AGRN: variants seen among roughly 807,000 people sequenced by gnomAD.
The protein encoded by AGRN is agrin.
In AGRN, 106 loss-of-function variants were observed where a neutral mutation model predicts 211.0. The ratio of observed to expected loss-of-function variants is 0.50; its 90% CI spans 0.43 to 0.59. The LOEUF (loss-of-function observed/expected upper bound fraction) is 0.59. Ranked by LOEUF, AGRN falls within the 20% of genes least tolerant of loss-of-function variation. The probability of loss-of-function intolerance (pLI) is 0.00; values close to 1 mark genes in which losing one functional copy is unlikely to be tolerated. For synonymous variants in AGRN, 1,525 were observed against 1,332.5 expected (o/e 1.14, Z -3.15); for missense variants, 3,040 against 2,982.6 (o/e 1.02, Z -0.45).
rs1267085294 is a variant in AGRN, at chr1:1,041,468, C to T, written c.953-10C>T. On this transcript the variant is annotated splice_polypyrimidine_tract_variant and intron_variant, in intron 5 of 35. Coordinates refer to ENST00000379370, the MANE Select transcript of AGRN (RefSeq NM_198576.4). ...GCGACAGCGTCCTGACTCCTGCCCT[C>T]GACCCCCAGACCCCTGTCAGGGCGC... 2 of 1,585,436 alleles carry T rather than the reference C, an allele frequency of 1.3e-6. No individual in the cohort carries two copies. The highest frequency in any genetic ancestry group is 1.7e-6 in the Non-Finnish European group (2 of 1,173,372).
intron 33 of AGRN, 191 bp from the exon 34 acceptor site, chr1:1,053,562 T>C (rs1557725471): frequency 3.3e-6 from 5 of 1,520,952 alleles, no homozygotes; most frequent in South Asian, 1.2e-5. Context: ...GTCTCTCTGA[T>C]CTCTCTCTGC....
rs142132521 is a variant in AGRN at position 1,053,794 on chromosome 1, G to A, written c.5693G>A (p.Arg1898His). ...AGCAACCACTTTGAACTGAGCCTGC[G>A]CACTGAGGCCACGCAGGGGCTGGTG... is the stretch of plus-strand genomic sequence containing the variant. The part of the protein sequence containing the change: ...LQSNHFELSL[R>H]TEATQGLVLW... Residue 1898 changes from arginine (R) to histidine (H), a missense_variant, in exon 34 of 36, where the codon CGC becomes CAC. Physicochemically the swap from Arg to His is conservative, Grantham distance 29 (BLOSUM62 0). Transcript: ENST00000379370. 8.1e-6 allele frequency: 13 copies of A among 1,610,516 alleles called. No individual in the cohort carries two copies. Among genetic ancestry groups the A allele is most frequent in the East Asian group, 6.7e-5 (3 of 44,812 alleles).
In AGRN at chr1:1,046,434, C is replaced by T. The variant is rs757512885; in HGVS notation, c.2949C>T (p.Ser983=). 36 of 1,612,396 alleles carry T rather than the reference C, an allele frequency of 2.2e-5. No homozygotes were observed. Among genetic ancestry groups the T allele is most frequent in the South Asian group, 1.3e-4 (12 of 91,070 alleles). Residue 983 remains serine (S), a synonymous_variant, in exon 18 of 36, where the codon TCC becomes TCT. Coordinates refer to ENST00000379370, the MANE Select transcript of AGRN (RefSeq NM_198576.4). ...VAPSTHPTSA[S]VTVTTPGLLL... ...CCAGCACTCACCCGACATCTGCCTC[C>T]GTGACTGTGACCACCCCAGGGCTCC...
chr1:1,028,382 G>A (rs1164512459), intron 2 of AGRN, among the ~76,000 whole-genome samples: 2 of 103,724 alleles, frequency 1.9e-5, no homozygotes, highest in South Asian at 3.7e-4. Flanking sequence ...ACCACTCCAC[G>A]CCAGCTGTTT....
chr1:1,046,732 G>C lies in AGRN; in HGVS notation c.3247G>C (p.Gly1083Arg), dbSNP rs1645107004. ...CCAGGAGGCCAGTGGGGGTGGCTCT[G>C]GGGGTGAGCAGGGATCAAGGACTTG... is the stretch of plus-strand genomic sequence containing the variant. ...GDQEASGGGS[G>R]GLEPLEGSSV... Residue 1083 changes from glycine to arginine, a missense_variant, in exon 18 of 36, where the codon GGG becomes CGG. Gly to Arg is a moderately radical substitution (Grantham distance 125, BLOSUM62 -2). Transcript: ENST00000379370. 6.3e-7 allele frequency: 1 copy of C among 1,581,100 alleles called. No individual in the cohort carries two copies. Among genetic ancestry groups the C allele is most frequent in the African/African-American group, 1.3e-5 (1 of 74,668 alleles).
rs767076670 is a variant in AGRN at position 1,051,779 on chromosome 1, G to T, written c.5615G>T (p.Arg1872Leu). The change falls in exon 33 of 36, where the codon CGG becomes CTG. Residue 1872 changes from arginine (R) to leucine (L), a missense_variant. Physicochemically the swap from Arg to Leu is moderately radical, Grantham distance 102. Coordinates refer to ENST00000379370, the MANE Select transcript of AGRN (RefSeq NM_198576.4). Reference protein sequence around the residue: ...GDVDTLAFDGRTFVEYLNAVT... With the variant: ...GDVDTLAFDGLTFVEYLNAVT... The stretch of plus-strand genomic sequence containing the variant: ...GTGGATACCTTGGCCTTTGACGGGC[G>T]GACCTTTGTCGAGTACCTCAACGCT... 3 of 1,613,852 alleles carry T rather than the reference G, an allele frequency of 1.9e-6. No individual in the cohort carries two copies. In the Admixed American group the frequency reaches 5.0e-5, roughly 27 times the overall value.
intron 27 of AGRN, 23 bp from the exon 28 acceptor site, chr1:1,050,210 G>GA (rs748708490): frequency 4.3e-6 from 7 of 1,612,736 alleles, no homozygotes; most frequent in Non-Finnish European, 5.1e-6. Flanking sequence ...TCAGGACTGA[G>GA]GCCTTGGTGA....
rs759035613 is a variant in AGRN, at chr1:1,048,188, C to T, written c.3928C>T (p.Pro1310Ser). 7 of 1,567,630 alleles carry T rather than the reference C, an allele frequency of 4.5e-6. No homozygotes were observed. The highest frequency in any genetic ancestry group is 4.3e-6 in the Non-Finnish European group (5 of 1,160,458). Residue 1310 changes from proline (P) to serine (S), a missense_variant, in exon 23 of 36, where the codon CCC (proline) becomes TCC (serine). By Grantham distance (74) the Pro-to-Ser change is moderately conservative. This residue lies in a region of AGRN where 1,537 missense variants were observed against 1,505.0 expected (regional missense o/e 1.02). Transcript: ENST00000379370. This position sits in a 1 kb window ranked among gnomAD's most constrained non-coding sequence, Gnocchi z 5.9. ...CACGGCAGCCCCCACCACACGTCGG[C>T]CCCCCACCACTGCCCCCAGCCGTGT... ...KTTAAPTTRRPPTTAPSRVPG... is the reference protein window; with the variant it reads ...KTTAAPTTRRSPTTAPSRVPG...
chr1:1,021,329 C>G (rs778892468), intron 1 of AGRN, among the ~76,000 whole-genome samples: 2 of 152,224 alleles, frequency 1.3e-5, no homozygotes. Context: ...AGGCCCTCCC[C>G]CTGCCTGGGT....
rs761473040 is a variant in AGRN at position 1,022,285 on chromosome 1, G to A, written c.286G>A (p.Gly96Ser). The A allele has an allele frequency of 5.0e-6, 8 of 1,613,288 alleles. No homozygotes were observed. The highest frequency in any genetic ancestry group is 5.9e-6 in the Non-Finnish European group (7 of 1,180,010). ...CGGCGGCAACAAGGTGGTGATCAGC[G>A]GCTTTGGAGACCCCCTCATCTGTGA... ...LDGGNKVVIS[G>S]FGDPLICDNQ... is the part of the protein sequence containing the mutation. The change falls in exon 2 of 36, where the codon GGC becomes AGC. Residue 96 changes from glycine (G) to serine (S), a missense_variant. Physicochemically the swap from Gly to Ser is moderately conservative, Grantham distance 56 (BLOSUM62 0). Coordinates refer to ENST00000379370, the MANE Select transcript of AGRN (RefSeq NM_198576.4).
At position 1,049,734 on chromosome 1, in the gene AGRN, G is replaced by T. The variant is rs760507388; in HGVS notation, c.4683G>T (p.Gly1561=). The stretch of plus-strand genomic sequence containing the variant: ...GCCTGCCCAACCCCTGCCATGGCGG[G>T]GCCCCATGCCAGAACCTGGAGGCTG... The part of the protein sequence containing the change: ...HPCLPNPCHG[G]APCQNLEAGR... The change falls in exon 26 of 36, where the codon GGG becomes GGT. Residue 1561 remains glycine, a synonymous_variant. Transcript: ENST00000379370. 18 of 1,581,248 alleles carry T rather than the reference G, an allele frequency of 1.1e-5. No homozygotes were observed. Among genetic ancestry groups the T allele is most frequent in the Non-Finnish European group, 1.5e-5 (17 of 1,165,640 alleles).
At chr1:1,025,461 A>G (rs1644499813) in intron 2 of AGRN, among the ~76,000 whole-genome samples, 1 of 152,050 alleles carries the variant, frequency 6.6e-6, no homozygotes, top group South Asian at 2.1e-4. Context: ...GGGGCAGTCT[A>G]GGAGTTGGGG....
chr1:1,037,529 C>T (rs556753393), intron 3 of AGRN, among the ~76,000 whole-genome samples: 8 of 152,224 alleles, frequency 5.3e-5, no homozygotes, highest in Non-Finnish European at 1.0e-4. Context: ...ATAAAAAGCA[C>T]TGCCGCCTCC....
intron 34 of AGRN, 34 bp from the exon 35 acceptor site, chr1:1,054,414 G>A: frequency 6.5e-7 from 1 of 1,536,414 alleles, no homozygotes. Context: ...GGGAACTCTG[G>A]GCCCTGATGG....
Position 1,054,702 on chromosome 1 carries a change from C to T in AGRN, c.5981-122C>T, listed in dbSNP as rs1426648233. The T allele has an allele frequency of 3.4e-6, 5 of 1,488,074 alleles. No homozygotes were observed. The African/African-American group carries it at 7.0e-5, about 21-fold the overall frequency. 92.2% of individuals were successfully genotyped at this position (1,488,074 alleles called of 1,614,324 possible). On this transcript the variant is annotated intron_variant, in intron 35 of 35. Coordinates refer to ENST00000379370, the MANE Select transcript of AGRN (RefSeq NM_198576.4). ...CTCCCGCTGTAGCCCCTGCAGTTCC[C>T]AGTGCTGTGGGGCCGGGAGGCGGGT...
intron 3 of AGRN, among the ~76,000 whole-genome samples, chr1:1,039,866 G>A (rs1644887635): frequency 6.6e-6 from 1 of 152,116 alleles, no homozygotes; most frequent in African/African-American, 2.4e-5. Flanking sequence ...GGAGCGATGG[G>A]AGGCTGCAGA....
At chr1:1,051,034 A>G in intron 30 of AGRN, 197 bp downstream of exon 30, 2 of 1,549,010 alleles carry the variant, frequency 1.3e-6, no homozygotes, top group Middle Eastern at 1.7e-4. Context: ...GAGGCCAGAA[A>G]TCCCGCAAGG....
chr1:1,048,423 G>A lies in AGRN; in HGVS notation c.4105+58G>A. The A allele has an allele frequency of 7.9e-6, 10 of 1,261,150 alleles. No individual in the cohort carries two copies. The highest frequency in any genetic ancestry group is 1.6e-5 in the South Asian group (1 of 62,888). 78.1% of individuals were successfully genotyped at this position (1,261,150 alleles called of 1,614,324 possible). On this transcript the variant is annotated intron_variant, in intron 23 of 35. Coordinates refer to ENST00000379370, the MANE Select transcript of AGRN (RefSeq NM_198576.4). This position sits in a 1 kb window ranked among gnomAD's most constrained non-coding sequence, Gnocchi z 5.9. ...GGCAGCAGGGTGGGGGCAAGGATTG[G>A]GGGTGGGGCTAAGCCACCATCAGGC...
Position 1,047,425 on chromosome 1 carries a change from G to A in AGRN, c.3487G>A (p.Gly1163Arg), listed in dbSNP as rs1390460146. The part of the protein sequence containing the change: ...EMADPKSELF[G>R]ETARSIESTL... Reference sequence around the variant, plus strand: ...GGCTGACCCCAAGTCAGAACTGTTCGGGGAGACAGCCAGGAGCATTGAGAG... The same window carrying A: ...GGCTGACCCCAAGTCAGAACTGTTCAGGGAGACAGCCAGGAGCATTGAGAG... Residue 1163 changes from glycine to arginine, a missense_variant, in exon 20 of 36, where the codon GGG (glycine) becomes AGG (arginine). Around this residue, in one of 3 missense-constraint regions of AGRN, gnomAD observed 1,537 missense variants for 1,505.0 expected, o/e 1.02. Coordinates refer to ENST00000379370, the MANE Select transcript of AGRN (RefSeq NM_198576.4). The A allele has an allele frequency of 5.0e-6, 8 of 1,612,790 alleles. No homozygotes were observed. Among genetic ancestry groups the A allele is most frequent in the East Asian group, 2.2e-5 (1 of 44,874 alleles).
Sources: gnomAD v4.1 joint callset for allele counts (sites outside exome capture counted in the v4.1 genomes callset) on GRCh38, gnomAD v4.1.1 for gene constraint, gnomAD v4.1.1 regional missense constraint, Gnocchi (gnomAD v3.1) non-coding constraint, MANE v1.5 for transcripts, NCBI Gene and HGNC (gene_info 2026-07-23, HGNC 2026-07-21) for gene names.